FOXP1: variants seen among roughly 807,000 people sequenced by gnomAD.
The protein encoded by FOXP1 is forkhead box P1, also known as forkhead box protein P1.
Under a neutral mutation model 98.2 loss-of-function variants are expected in FOXP1, and 15 were observed. The observed-to-expected ratio is 0.15, with a 90% CI of 0.10 to 0.24. FOXP1 has a LOEUF of 0.24. FOXP1 is among the 10% of genes least tolerant of loss of function. The pLI is 1.00. For synonymous variants in FOXP1, 371 were observed against 314.5 expected (o/e 1.18, Z -1.90); for missense variants, 633 against 848.5 (o/e 0.75, Z 3.15).
intron 11 of FOXP1, among the ~76,000 whole-genome samples, chr3:71,017,773 A>G (rs2044727145): frequency 6.6e-6 from 1 of 152,184 alleles, no homozygotes; most frequent in Non-Finnish European, 1.5e-5. Flanking sequence ...AATAAAATTT[A>G]CCAGCTTAAA....
intron 7 of FOXP1, among the ~76,000 whole-genome samples, chr3:71,063,652 T>C (rs746275884): frequency 5.9e-5 from 9 of 152,244 alleles, no homozygotes; most frequent in Non-Finnish European, 1.0e-4. Flanking sequence ...AGATTAGTCA[T>C]TGATAGTATG....
chr3:71,428,800 G>A (rs949239822), intron 3 of FOXP1, among the ~76,000 whole-genome samples: 1 of 152,198 alleles, frequency 6.6e-6, no homozygotes, highest in African/African-American at 2.4e-5. Flanking sequence ...ACTTGAAGGG[G>A]AACATTGGAA....
chr3:71,411,424 C>G (rs892822084), intron 3 of FOXP1, among the ~76,000 whole-genome samples: 2 of 152,078 alleles, frequency 1.3e-5, no homozygotes, highest in East Asian at 3.9e-4. Context: ...AAGCTATTCT[C>G]CTGCCTCAAC....
At chr3:71,053,228 T>C (rs764602651) in intron 8 of FOXP1, among the ~76,000 whole-genome samples, 4 of 152,178 alleles carry the variant, frequency 2.6e-5, no homozygotes, top group Non-Finnish European at 4.4e-5. Flanking sequence ...TGCTTCTTTA[T>C]GTTTAAAGAA....
intron 3 of FOXP1, among the ~76,000 whole-genome samples, chr3:71,422,603 T>G (rs2083745707): frequency 2.0e-5 from 3 of 152,172 alleles, no homozygotes; most frequent in Non-Finnish European, 4.4e-5. Context: ...TTGTTTCAAA[T>G]GAATCTGAAG....
At chr3:71,145,956 G>T (rs1464085760) in intron 6 of FOXP1, among the ~76,000 whole-genome samples, 1 of 152,142 alleles carries the variant, frequency 6.6e-6, no homozygotes, top group Non-Finnish European at 1.5e-5. Flanking sequence ...TTTAATCAGG[G>T]ATTGTATCTG....
At position 71,325,075 on chromosome 3, in the gene FOXP1, T is replaced by A. The variant is rs2075608594; in HGVS notation, c.-72-25195A>T. ...TTGATTTTTTTTTTTTTTTTTGAGA[T>A]GTTGTCTTGCTGTGTCATCCAGGCT... On this transcript the variant is annotated intron_variant, in intron 4 of 20. Coordinates refer to ENST00000649528, the MANE Select transcript of FOXP1 (RefSeq NM_001349338.3). 2.8e-5 allele frequency among the ~76,000 whole-genome samples: 4 copies of A among 142,734 alleles called. No individual in the cohort carries two copies. In the Admixed American group the frequency reaches 3.0e-4, roughly 11 times the overall value. The allele number at this position is 142,734 out of a possible 152,430, so 93.6% of individuals were successfully genotyped here. A position where few individuals can be genotyped will look rare whatever the true frequency, so the allele number is the denominator to read the frequency against.
rs975550794 is a variant in FOXP1, at chr3:71,581,985, G to A, written c.-446-288C>T. ...GAGGGGGGAGGAATAGGGAGAAGGG[G>A]GTGGGATGGGGATACGATCACGGGC... On this transcript the variant is annotated intron_variant, in intron 1 of 20. Coordinates refer to ENST00000649528, the MANE Select transcript of FOXP1 (RefSeq NM_001349338.3). 33 of 953,454 alleles carry A rather than the reference G, an allele frequency of 3.5e-5. No homozygotes were observed. In the African/African-American group the frequency reaches 4.4e-4, roughly 13 times the overall value. 59.1% of individuals were successfully genotyped at this position (953,454 alleles called of 1,614,324 possible).
At chr3:71,169,058 G>A (rs1160786634) in intron 6 of FOXP1, among the ~76,000 whole-genome samples, 1 of 152,206 alleles carries the variant, frequency 6.6e-6, no homozygotes, top group African/African-American at 2.4e-5. Flanking sequence ...TATGTAACTT[G>A]ATTAAGGTGC....
intron 2 of FOXP1, among the ~76,000 whole-genome samples, chr3:71,538,602 A>G (rs1005501831): frequency 6.6e-6 from 1 of 152,206 alleles, no homozygotes; most frequent in Non-Finnish European, 1.5e-5. Flanking sequence ...GCTATTATAA[A>G]TCATTCTCCT....
intron 2 of FOXP1, among the ~76,000 whole-genome samples, chr3:71,520,794 T>G (rs1327850978): frequency 6.6e-6 from 1 of 152,198 alleles, no homozygotes; most frequent in Admixed American, 6.5e-5. Flanking sequence ...GACATTTATT[T>G]TTTTCTCCAA....
chr3:71,139,794 C>T (rs545070069), intron 6 of FOXP1, among the ~76,000 whole-genome samples: 1 of 152,276 alleles, frequency 6.6e-6, no homozygotes, highest in South Asian at 2.1e-4. Flanking sequence ...GACTCTTTCG[C>T]TATTATGTGT....
At position 71,573,943 on chromosome 3, in the gene FOXP1, C is replaced by T. The variant is rs201196903; in HGVS notation, c.-298+7606G>A. The T allele has an allele frequency of 4.6e-5, 7 of 152,292 alleles. No homozygotes were observed. The East Asian group carries it at 1.2e-3, about 25-fold the overall frequency. The allele number at this position is 152,292 out of a possible 1,614,324, so 9.4% of individuals were successfully genotyped here. On this transcript the variant is annotated intron_variant, in intron 2 of 20. Transcript: ENST00000649528. Reference sequence around the variant, plus strand: ...ATGATTAACATTTCAACAAACAAGGCGGAATGACTTCGCATCAAGCTGTAG... The same window carrying T: ...ATGATTAACATTTCAACAAACAAGGTGGAATGACTTCGCATCAAGCTGTAG...
chr3:71,395,551 G>A (rs900776860), intron 3 of FOXP1, among the ~76,000 whole-genome samples: 1 of 151,482 alleles, frequency 6.6e-6, no homozygotes, highest in Non-Finnish European at 1.5e-5. Flanking sequence ...ACTGGCCCAG[G>A]GGCACTCCTT....
At position 70,955,868 on chromosome 3, in the gene FOXP1, A is replaced by G. The variant is rs2031662299; in HGVS notation, c.*3379T>C. Reference sequence around the variant, plus strand: ...CACACACACACACAAAACCTGTACAAAATGCTCCAATCAATGAGAACAGAA... The same window carrying G: ...CACACACACACACAAAACCTGTACAGAATGCTCCAATCAATGAGAACAGAA... On this transcript the variant is annotated 3_prime_UTR_variant, in exon 21 of 21. Coordinates refer to ENST00000649528, the MANE Select transcript of FOXP1 (RefSeq NM_001349338.3). The G allele has an allele frequency of 4.3e-6, 1 of 232,448 alleles. No homozygotes were observed. Among genetic ancestry groups the G allele is most frequent in the African/African-American group, 2.2e-5 (1 of 44,638 alleles). 14.4% of individuals were successfully genotyped at this position (232,448 alleles called of 1,614,324 possible). A position where few individuals can be genotyped will look rare whatever the true frequency, so the allele number is the denominator to read the frequency against.
chr3:71,066,845 T>C (rs768471307), intron 7 of FOXP1, among the ~76,000 whole-genome samples: 2 of 152,230 alleles, frequency 1.3e-5, no homozygotes, highest in Non-Finnish European at 2.9e-5. Flanking sequence ...GGTCAGTGTT[T>C]ATCAGCTAAT....
intron 4 of FOXP1, among the ~76,000 whole-genome samples, chr3:71,325,485 C>G (rs983882559): frequency 1.9e-5 from 1 of 51,300 alleles, no homozygotes; most frequent in African/African-American, 3.5e-5. Flanking sequence ...GTTTATGAAC[C>G]TGAAAACCAT....
rs930819149 is a variant in FOXP1 at position 71,388,739 on chromosome 3, C to T, written c.-167-29495G>A. Among the ~76,000 whole-genome samples the T allele has an allele frequency of 7.2e-5, 11 of 152,032 alleles. No homozygotes were observed. The East Asian group carries it at 1.9e-3, about 27-fold the overall frequency. ...ATATAATAAAAATGCCATAAACATGCGGCATACATAATAAATCTAATCAAG... is the reference window on the plus strand; with the variant it reads ...ATATAATAAAAATGCCATAAACATGTGGCATACATAATAAATCTAATCAAG... On this transcript the variant is annotated intron_variant, in intron 3 of 20. Transcript: ENST00000649528.
At chr3:71,419,679 C>T (rs191516467) in intron 3 of FOXP1, among the ~76,000 whole-genome samples, 5 of 152,212 alleles carry the variant, frequency 3.3e-5, no homozygotes, top group African/African-American at 1.2e-4. Context: ...TCAGCATTTC[C>T]CAAAGTGTGC....
Sources: allele counts gnomAD v4.1 joint callset (sites outside exome capture counted in the v4.1 genomes callset), GRCh38; gene constraint gnomAD v4.1.1; transcripts MANE v1.5; gene names NCBI Gene and HGNC (gene_info 2026-07-23, HGNC 2026-07-21).